The following ANKS1A variants were observed in gnomAD, a reference collection of about 807,000 sequenced individuals.
The protein encoded by ANKS1A is ankyrin repeat and sterile alpha motif domain containing 1A.
ANKS1A carries 55 observed loss-of-function variants against 120.3 expected under a neutral mutation model. The ratio of observed to expected loss-of-function variants is 0.46; its 90% CI spans 0.37 to 0.57. The LOEUF is 0.57. Among genes scored for constraint, ANKS1A ranks in the 20% least tolerant of loss-of-function variants. The probability of loss-of-function intolerance (pLI) is 0.00; values close to 1 mark genes in which losing one functional copy is unlikely to be tolerated. For synonymous variants in ANKS1A, 590 were observed against 604.7 expected (o/e 0.98, Z 0.36); for missense variants, 1,123 against 1,480.3 (o/e 0.76, Z 3.96).
chr6:35,009,019 A>G (rs1442716600), intron 10 of ANKS1A, among the ~76,000 whole-genome samples: 1 of 152,122 alleles, frequency 6.6e-6, no homozygotes, highest in African/African-American at 2.4e-5. Flanking sequence ...AACAAAGGGA[A>G]CTTGTCATAG....
chr6:34,981,150 C>T (rs765899139), intron 3 of ANKS1A, among the ~76,000 whole-genome samples: 2 of 152,096 alleles, frequency 1.3e-5, no homozygotes, highest in African/African-American at 2.4e-5. Flanking sequence ...ATACCTTGAG[C>T]GATTTTTAGT....
intron 12 of ANKS1A, among the ~76,000 whole-genome samples, chr6:35,056,354 TCTCCACTCACTG>T (rs1776221289): frequency 6.6e-6 from 1 of 152,184 alleles, no homozygotes; most frequent in Non-Finnish European, 1.5e-5. Context: ...AGCGCGGTGA[TCTCCACTCACTG>T]CAAGCTCCGC....
At chr6:35,031,294 A>C (rs967614658) in intron 11 of ANKS1A, among the ~76,000 whole-genome samples, 1 of 151,798 alleles carries the variant, frequency 6.6e-6, no homozygotes. Flanking sequence ...GACTCTACCT[A>C]CTCTCCACCT....
At chr6:35,055,543 T>C (rs1000147538) in intron 12 of ANKS1A, among the ~76,000 whole-genome samples, 1 of 152,212 alleles carries the variant, frequency 6.6e-6, no homozygotes, top group African/African-American at 2.4e-5. Context: ...TTGGTCAGGC[T>C]GGTCTTGAAC....
intron 12 of ANKS1A, among the ~76,000 whole-genome samples, chr6:35,054,939 G>A (rs954914068): frequency 6.6e-6 from 1 of 152,232 alleles, no homozygotes; most frequent in South Asian, 2.1e-4. Flanking sequence ...GCCCAGCTGG[G>A]AGCCTGGCCT....
At chr6:34,985,833 A>G (rs1378508143) in intron 8 of ANKS1A, among the ~76,000 whole-genome samples, 2 of 152,246 alleles carry the variant, frequency 1.3e-5, no homozygotes, top group Non-Finnish European at 2.9e-5. Context: ...GCCTCCAGCC[A>G]TTGAGATAAG....
intron 11 of ANKS1A, among the ~76,000 whole-genome samples, chr6:35,026,607 A>AG (rs1774637969): frequency 6.6e-6 from 1 of 152,188 alleles, no homozygotes; most frequent in Non-Finnish European, 1.5e-5. Context: ...GAGTCAGCCA[A>AG]GGAAGGCCCC....
intron 10 of ANKS1A, among the ~76,000 whole-genome samples, chr6:35,014,656 G>T (rs1773914753): frequency 6.6e-6 from 1 of 152,202 alleles, no homozygotes; most frequent in Non-Finnish European, 1.5e-5. Flanking sequence ...CCAGTTCTGA[G>T]CTGTGGTGTT....
intron 1 of ANKS1A, among the ~76,000 whole-genome samples, chr6:34,966,476 C>T (rs1770901062): frequency 6.6e-6 from 1 of 152,172 alleles, no homozygotes; most frequent in African/African-American, 2.4e-5. Context: ...AGGAACAAAA[C>T]AAGTTTGCCC....
intron 1 of ANKS1A, among the ~76,000 whole-genome samples, chr6:34,919,307 C>A (rs141119517): frequency 6.6e-6 from 1 of 152,178 alleles, no homozygotes. Flanking sequence ...ACCTGGAGCA[C>A]CTTTTCAGTC....
intron 9 of ANKS1A, among the ~76,000 whole-genome samples, chr6:34,991,303 G>A (rs1772495630): frequency 6.6e-6 from 1 of 152,012 alleles, no homozygotes; most frequent in Admixed American, 6.5e-5. Flanking sequence ...TACACATGCT[G>A]TGTAGATGTT....
Position 34,947,142 on chromosome 6 carries a change from C to CTT in ANKS1A, c.198-20077_198-20076dup, listed in dbSNP as rs71002514. On this transcript the variant is annotated intron_variant, in intron 1 of 23. Coordinates refer to ENST00000360359, the MANE Select transcript of ANKS1A (RefSeq NM_015245.3). ...TACTTAATACGTAGTATAGTAGACT[C>CTT]TTTTTTTTTTTTTTTTTTTTTGAGA... Among the ~76,000 whole-genome samples, 690 of 101,864 alleles carry CTT rather than the reference C, an allele frequency of 6.8e-3. 21 individuals are homozygous for CTT. Among genetic ancestry groups the CTT allele is most frequent in the African/African-American group, 0.011 (251 of 22,830 alleles). The allele number at this position is 101,864 out of a possible 152,430, so 66.8% of individuals were successfully genotyped here.
In ANKS1A at chr6:34,999,421, T is replaced by C. The variant is rs186961596; in HGVS notation, c.1423+4999T>C. Reference sequence around the variant, plus strand: ...TTTGGTTTGGTGTAAACTGCAAAAGTGTGTGTGTGCCCTTTTTACCTGTTC... The same window carrying C: ...TTTGGTTTGGTGTAAACTGCAAAAGCGTGTGTGTGCCCTTTTTACCTGTTC... On this transcript the variant is annotated intron_variant, in intron 10 of 23. Transcript: ENST00000360359. Among the ~76,000 whole-genome samples, 134 of 152,308 alleles carry C rather than the reference T, an allele frequency of 8.8e-4. No individual in the cohort carries two copies. The East Asian group carries it at 0.022, about 25-fold the overall frequency.
At position 35,050,256 on chromosome 6, in the gene ANKS1A, A is replaced by G. The variant is rs755879536; in HGVS notation, c.2011-3843A>G. Reference sequence around the variant, plus strand: ...TTTTGAAAATGGAGTATTTCCAAGCATTTTTTGAAGACAAGAGTCCATTAT... The same window carrying G: ...TTTTGAAAATGGAGTATTTCCAAGCGTTTTTTGAAGACAAGAGTCCATTAT... On this transcript the variant is annotated intron_variant, in intron 11 of 23. Coordinates refer to ENST00000360359, the MANE Select transcript of ANKS1A (RefSeq NM_015245.3). The surrounding 1 kb of genome is among the most constrained non-coding windows in gnomAD (Gnocchi z 4.3). Among the ~76,000 whole-genome samples, 3 of 152,218 alleles carry G rather than the reference A, an allele frequency of 2.0e-5. No homozygotes were observed. Among genetic ancestry groups the G allele is most frequent in the Non-Finnish European group, 2.9e-5 (2 of 68,034 alleles).
At chr6:35,019,556 G>A (rs1774216884) in intron 11 of ANKS1A, among the ~76,000 whole-genome samples, 1 of 152,238 alleles carries the variant, frequency 6.6e-6, no homozygotes, top group South Asian at 2.1e-4. Flanking sequence ...AAGATTTGGT[G>A]AGCCTGTGCT....
chr6:35,045,417 A>G (rs1390998603), intron 11 of ANKS1A, among the ~76,000 whole-genome samples: 1 of 152,234 alleles, frequency 6.6e-6, no homozygotes, highest in Non-Finnish European at 1.5e-5. Context: ...TAGAAGAGGA[A>G]GTTGAAAGTC....
At chr6:34,890,426 ATC>A (rs1216604468) in intron 1 of ANKS1A, among the ~76,000 whole-genome samples, 6 of 152,328 alleles carry the variant, frequency 3.9e-5, no homozygotes, top group African/African-American at 7.2e-5. Flanking sequence ...CTCTGGATGT[ATC>A]ATTTTCAAGA....
At chr6:35,053,013 A>G (rs1269025166) in intron 11 of ANKS1A, among the ~76,000 whole-genome samples, 1 of 152,182 alleles carries the variant, frequency 6.6e-6, no homozygotes, top group Non-Finnish European at 1.5e-5. Context: ...CAGCTGCCCA[A>G]GGAGAGATGG....
In ANKS1A at chr6:35,078,651, C is replaced by A; in HGVS notation, c.2278C>A (p.Pro760Thr). 2 of 1,601,654 alleles carry A rather than the reference C, an allele frequency of 1.2e-6. No individual in the cohort carries two copies. The highest frequency in any genetic ancestry group is 1.7e-6 in the Non-Finnish European group (2 of 1,179,858). ...GCTGCTCCAGGCGGCACGCTCCCTA[C>A]CCAAGGTGACCATCGCCGGCCCTGT... is the stretch of plus-strand genomic sequence containing the variant. Reference protein sequence around the residue: ...RKLLQAARSLPKVKALGYDGN... With the variant: ...RKLLQAARSLTKVKALGYDGN... The change falls in exon 14 of 24, where the codon CCC becomes ACC. Residue 760 changes from proline to threonine, a missense_variant. Pro to Thr is a conservative substitution (Grantham distance 38). Transcript: ENST00000360359.
Sources: allele counts gnomAD v4.1 joint callset (sites outside exome capture counted in the v4.1 genomes callset), GRCh38; gene constraint gnomAD v4.1.1; non-coding constraint Gnocchi (gnomAD v3.1); transcripts MANE v1.5; gene names NCBI Gene and HGNC (gene_info 2026-07-23, HGNC 2026-07-21).